Variants in KCNH1 observed in about 807,000 individuals in gnomAD.
KCNH1 encodes potassium voltage-gated channel subfamily H member 1.
A neutral mutation model predicts 69.2 loss-of-function variants in KCNH1; 27 were observed. The observed-to-expected ratio is 0.39, with a 90% CI of 0.29 to 0.54. The LOEUF (loss-of-function observed/expected upper bound fraction) is 0.54, where lower values mean the gene tolerates loss of function less well. Ranked by LOEUF, KCNH1 falls within the 20% of genes least tolerant of loss-of-function variation. KCNH1 has a pLI of 0.68. For missense variants in KCNH1, 798 were observed against 1,261.6 expected (o/e 0.63, Z 5.57); for synonymous variants, 456 against 487.7 (o/e 0.93, Z 0.86).
intron 3 of KCNH1, among the ~76,000 whole-genome samples, chr1:211,098,769 C>T (rs990764704): frequency 3.9e-5 from 6 of 152,066 alleles, no homozygotes; most frequent in Non-Finnish European, 7.4e-5. Context: ...AGGAAAAAAA[C>T]ACTTCAATCT....
chr1:210,692,398 C>T (rs549128368), intron 10 of KCNH1, among the ~76,000 whole-genome samples: 1 of 152,164 alleles, frequency 6.6e-6, no homozygotes. Flanking sequence ...GGTTGCTACT[C>T]AGGGAAGAGA....
intron 2 of KCNH1, among the ~76,000 whole-genome samples, chr1:211,105,585 A>T (rs1691335315): frequency 2.6e-5 from 4 of 152,156 alleles, no homozygotes; most frequent in Admixed American, 2.6e-4. Context: ...CCTTCGGGTA[A>T]TTCAATAAGT....
chr1:210,838,924 G>T (rs969584562), intron 7 of KCNH1, among the ~76,000 whole-genome samples: 1 of 152,202 alleles, frequency 6.6e-6, no homozygotes, highest in Admixed American at 6.5e-5. Context: ...TGCTGGCAGG[G>T]TTGCAGAGAA....
chr1:210,901,534 G>A (rs1413074034), intron 7 of KCNH1, among the ~76,000 whole-genome samples: 5 of 152,186 alleles, frequency 3.3e-5, no homozygotes. Context: ...CCCATGAGGA[G>A]TGATGCAGAC....
chr1:210,700,977 G>A (rs996121624), intron 10 of KCNH1, among the ~76,000 whole-genome samples: 9 of 151,326 alleles, frequency 5.9e-5, no homozygotes, highest in Admixed American at 1.3e-4. Flanking sequence ...TCGCTCTGTC[G>A]CCCAGGCTGG....
intron 5 of KCNH1, among the ~76,000 whole-genome samples, chr1:211,061,357 T>C (rs188545887): frequency 4.3e-4 from 66 of 152,244 alleles, no homozygotes; most frequent in African/African-American, 1.5e-3. Flanking sequence ...GCTAGTATAA[T>C]ACCGAATGGG....
At chr1:210,760,250 C>T (rs1005148481) in intron 10 of KCNH1, among the ~76,000 whole-genome samples, 2 of 152,062 alleles carry the variant, frequency 1.3e-5, no homozygotes, top group African/African-American at 4.8e-5. Flanking sequence ...TTAAAGGCAG[C>T]TAGATAAAAA....
intron 6 of KCNH1, among the ~76,000 whole-genome samples, chr1:210,985,361 T>G (rs192917183): frequency 1.3e-5 from 2 of 152,342 alleles, no homozygotes; most frequent in African/African-American, 4.8e-5. Context: ...TCTAGTTCTT[T>G]TAATTGTGAT....
chr1:210,946,484 C>T (rs6671566), intron 6 of KCNH1, among the ~76,000 whole-genome samples: 4 of 152,112 alleles, frequency 2.6e-5, no homozygotes, highest in Admixed American at 6.5e-5. Flanking sequence ...AGATACTCCT[C>T]GTTCTAGAAA....
intron 7 of KCNH1, among the ~76,000 whole-genome samples, chr1:210,894,259 C>T (rs1686812826): frequency 6.6e-6 from 1 of 152,104 alleles, no homozygotes; most frequent in African/African-American, 2.4e-5. Flanking sequence ...TGAGTCTTAC[C>T]TTTAAGATTT....
intron 6 of KCNH1, among the ~76,000 whole-genome samples, chr1:210,941,736 GA>G (rs1468029957): frequency 6.6e-6 from 1 of 152,142 alleles, no homozygotes; most frequent in Non-Finnish European, 1.5e-5. Flanking sequence ...CAGTGTGACT[GA>G]AAAAGGGACA....
intron 7 of KCNH1, among the ~76,000 whole-genome samples, chr1:210,809,474 T>TATATATTAA (rs1432599054): frequency 1.3e-5 from 2 of 152,010 alleles, no homozygotes; most frequent in East Asian, 3.9e-4. Flanking sequence ...TGGCCAAATA[T>TATATATTAA]ATATATTAAA....
chr1:210,981,626 G>A (rs1688711915), intron 6 of KCNH1, among the ~76,000 whole-genome samples: 1 of 151,966 alleles, frequency 6.6e-6, no homozygotes, highest in Non-Finnish European at 1.5e-5. Context: ...CTGAAACCAG[G>A]TTCTCCTTCT....
At chr1:210,929,341 G>T (rs141362132) in intron 6 of KCNH1, among the ~76,000 whole-genome samples, 1 of 152,106 alleles carries the variant, frequency 6.6e-6, no homozygotes, top group Admixed American at 6.5e-5. Flanking sequence ...GATCAAGTGG[G>T]TTTCATACCA....
intron 7 of KCNH1, among the ~76,000 whole-genome samples, chr1:210,873,256 T>G (rs1184836146): frequency 1.3e-5 from 2 of 152,142 alleles, no homozygotes. Flanking sequence ...CTTTGAAAAA[T>G]GAGATATTGG....
chr1:210,992,072 T>G (rs943687685), intron 6 of KCNH1, among the ~76,000 whole-genome samples: 3 of 152,356 alleles, frequency 2.0e-5, no homozygotes, highest in African/African-American at 7.2e-5. Flanking sequence ...TTTCCTAGGC[T>G]GACAACAACA....
In KCNH1 at chr1:210,872,252, A is replaced by G. The variant is rs553715493; in HGVS notation, c.1462+47388T>C. 5.3e-5 allele frequency among the ~76,000 whole-genome samples: 8 copies of G among 152,046 alleles called. No individual in the cohort carries two copies. The South Asian group carries it at 1.7e-3, about 32-fold the overall frequency. ...CTTAATAATTGTTAGCTATGATGAC[A>G]ATAATGATGATTAAAATGGTCTTTC... is the stretch of plus-strand genomic sequence containing the variant. On this transcript the variant is annotated intron_variant, in intron 7 of 10. Transcript: ENST00000271751.
At chr1:210,899,452 T>C (rs1463714476) in intron 7 of KCNH1, among the ~76,000 whole-genome samples, 1 of 151,662 alleles carries the variant, frequency 6.6e-6, no homozygotes, top group East Asian at 1.9e-4. Context: ...TTTTAACTTC[T>C]AAAACAATAT....
At chr1:210,809,627 C>T (rs1043954963) in intron 7 of KCNH1, among the ~76,000 whole-genome samples, 6 of 152,120 alleles carry the variant, frequency 3.9e-5, no homozygotes, top group African/African-American at 1.4e-4. Context: ...AAGCAGAGTA[C>T]ATGAAAACCC....
Sources: allele counts gnomAD v4.1 joint callset (sites outside exome capture counted in the v4.1 genomes callset), GRCh38; gene constraint gnomAD v4.1.1; transcripts MANE v1.5; gene names NCBI Gene and HGNC (gene_info 2026-07-23, HGNC 2026-07-21).